MECOM: variants seen among roughly 807,000 people sequenced by gnomAD.
MECOM encodes the protein MDS1 and EVI1 complex locus.
Under a neutral mutation model 116.3 loss-of-function variants are expected in MECOM, and 13 were observed. The observed-to-expected ratio is 0.11, with a 90% CI of 0.07 to 0.18. The LOEUF is 0.18. Among genes scored for constraint, MECOM ranks in the 10% least tolerant of loss-of-function variants. MECOM has a pLI of 1.00. For synonymous variants in MECOM, 528 were observed against 535.2 expected (o/e 0.99, Z 0.19); for missense variants, 1,299 against 1,509.0 (o/e 0.86, Z 2.31).
intron 2 of MECOM, among the ~76,000 whole-genome samples, chr3:169,347,803 GGATTT>G (rs1725626321): frequency 6.6e-6 from 1 of 152,020 alleles, no homozygotes; most frequent in Non-Finnish European, 1.5e-5. Context: ...CTCAGGGAAT[GGATTT>G]GTCTGGTTCG....
intron 2 of MECOM, chr3:169,146,624 G>T: frequency 1.5e-6 from 2 of 1,368,578 alleles, no homozygotes; most frequent in South Asian, 1.1e-5. Flanking sequence ...GGGGCGGGGG[G>T]CGCCCGTAGA....
At chr3:169,316,188 G>C (rs1719713124) in intron 2 of MECOM, among the ~76,000 whole-genome samples, 1 of 152,196 alleles carries the variant, frequency 6.6e-6, no homozygotes, top group African/African-American at 2.4e-5. Context: ...GTTTAGTGTT[G>C]TATAATTTAC....
At chr3:169,475,161 G>C in intron 1 of MECOM, among the ~76,000 whole-genome samples, 1 of 152,152 alleles carries the variant, frequency 6.6e-6, no homozygotes, top group East Asian at 1.9e-4. Flanking sequence ...TCCTTTTAAT[G>C]ATAACATAGC....
intron 1 of MECOM, among the ~76,000 whole-genome samples, chr3:169,662,537 G>A (rs1257353863): frequency 6.6e-6 from 1 of 152,058 alleles, no homozygotes; most frequent in Non-Finnish European, 1.5e-5. Context: ...ACCTGCGCGT[G>A]GCTGTGCGGA....
intron 1 of MECOM, among the ~76,000 whole-genome samples, chr3:169,551,003 T>G (rs957921071): frequency 1.0e-5 from 1 of 98,026 alleles, no homozygotes; most frequent in African/African-American, 3.2e-5. Context: ...TTTTGTATTT[T>G]TAGTAGAGAC....
intron 1 of MECOM, among the ~76,000 whole-genome samples, chr3:169,429,487 C>G (rs896705930): frequency 6.6e-6 from 1 of 152,190 alleles, no homozygotes; most frequent in African/African-American, 2.4e-5. Flanking sequence ...GACTAGCATG[C>G]TATCTGACCC....
intron 2 of MECOM, among the ~76,000 whole-genome samples, chr3:169,219,208 T>C (rs1425997626): frequency 6.6e-6 from 1 of 151,804 alleles, no homozygotes; most frequent in East Asian, 1.9e-4. Context: ...TTAGGTCCTT[T>C]AAAAAAAAAT....
chr3:169,109,286 A>G (rs1040112096), intron 9 of MECOM, among the ~76,000 whole-genome samples: 2 of 152,372 alleles, frequency 1.3e-5, no homozygotes, highest in African/African-American at 4.8e-5. Context: ...TTATTTGTAA[A>G]AGAAAACTAG....
At chr3:169,473,988 G>A (rs938805320) in intron 1 of MECOM, among the ~76,000 whole-genome samples, 2 of 152,132 alleles carry the variant, frequency 1.3e-5, no homozygotes, top group Non-Finnish European at 2.9e-5. Context: ...CTTTTCCTAT[G>A]AGCACGACTC....
At chr3:169,421,366 C>T (rs1739696151) in intron 1 of MECOM, among the ~76,000 whole-genome samples, 2 of 152,120 alleles carry the variant, frequency 1.3e-5, no homozygotes, top group African/African-American at 2.4e-5. Flanking sequence ...GTTTGCCATA[C>T]AAGAAGTACT....
chr3:169,468,743 C>A (rs1273769329), intron 1 of MECOM, among the ~76,000 whole-genome samples: 1 of 152,140 alleles, frequency 6.6e-6, no homozygotes. Flanking sequence ...TTGTTGTAAC[C>A]ATTTCTGACA....
At chr3:169,271,421 A>G (rs1191677067) in intron 2 of MECOM, among the ~76,000 whole-genome samples, 1 of 152,256 alleles carries the variant, frequency 6.6e-6, no homozygotes, top group Non-Finnish European at 1.5e-5. Flanking sequence ...GCTTATGGAG[A>G]AAGCCACAAA....
At chr3:169,406,626 G>T (rs1736734280) in intron 1 of MECOM, among the ~76,000 whole-genome samples, 1 of 152,118 alleles carries the variant, frequency 6.6e-6, no homozygotes, top group Admixed American at 6.5e-5. Flanking sequence ...CTATGTGCCA[G>T]ACTGACACTC....
chr3:169,106,592 C>T (rs1206383356), intron 10 of MECOM, among the ~76,000 whole-genome samples: 4 of 152,092 alleles, frequency 2.6e-5, no homozygotes, highest in South Asian at 2.1e-4. Flanking sequence ...AGCATTGCAA[C>T]GGCAATCACT....
At chr3:169,512,085 T>C (rs1200099170) in intron 1 of MECOM, among the ~76,000 whole-genome samples, 1 of 152,204 alleles carries the variant, frequency 6.6e-6, no homozygotes, top group Non-Finnish European at 1.5e-5. Context: ...TTGTGCTAGG[T>C]CCAGGTCATT....
chr3:169,235,297 C>T (rs138019817), intron 2 of MECOM, among the ~76,000 whole-genome samples: 67 of 152,212 alleles, frequency 4.4e-4, no homozygotes, highest in Non-Finnish European at 6.8e-4. Context: ...GATCCCTAAC[C>T]TATCATTCAT....
rs1156831810 is a variant in MECOM, at chr3:169,335,742, T to C, written c.375+45445A>G. 2.0e-5 allele frequency among the ~76,000 whole-genome samples: 3 copies of C among 152,298 alleles called. No homozygotes were observed. In the East Asian group the frequency reaches 5.8e-4, roughly 29 times the overall value. The stretch of plus-strand genomic sequence containing the variant: ...TTTTATTTGTTTTAACTCAAAATCA[T>C]GTAAAATGATTTGGAAGAAAAGTTT... On this transcript the variant is annotated intron_variant, in intron 2 of 16. Transcript: ENST00000651503.
chr3:169,246,500 T>C (rs1012977271), intron 2 of MECOM, among the ~76,000 whole-genome samples: 3 of 151,824 alleles, frequency 2.0e-5, no homozygotes, highest in African/African-American at 7.3e-5. Flanking sequence ...GATTATCTCA[T>C]CTATCAACTG....
intron 2 of MECOM, among the ~76,000 whole-genome samples, chr3:169,196,702 T>C (rs1040144814): frequency 1.3e-5 from 2 of 152,080 alleles, no homozygotes; most frequent in African/African-American, 4.8e-5. Flanking sequence ...AGAATGCTTA[T>C]ACACTGCTGG....
Sources: gnomAD v4.1 joint callset for allele counts (sites outside exome capture counted in the v4.1 genomes callset) on GRCh38, gnomAD v4.1.1 for gene constraint, MANE v1.5 for transcripts, NCBI Gene and HGNC (gene_info 2026-07-23, HGNC 2026-07-21) for gene names.